The following WDPCP variants were observed in gnomAD, a reference collection of about 807,000 sequenced individuals.
WDPCP encodes the protein WD repeat containing planar cell polarity effector, also known as WD repeat-containing and planar cell polarity effector protein fritz homolog.
WDPCP carries 71 observed loss-of-function variants against 93.1 expected under a neutral mutation model. The ratio of observed to expected loss-of-function variants is 0.76; its 90% CI spans 0.63 to 0.93. WDPCP has a LOEUF of 0.93. WDPCP is among the 40% of genes least tolerant of loss of function. WDPCP has a pLI of 0.00. For synonymous variants in WDPCP, 315 were observed against 315.0 expected (o/e 1.00, Z 0.00); for missense variants, 844 against 887.4 (o/e 0.95, Z 0.62).
At chr2:63,746,636 T>TTATGCAGATGTAGATAGGG (rs1669802085) in intron 2 of WDPCP, among the ~76,000 whole-genome samples, 1 of 152,146 alleles carries the variant, frequency 6.6e-6, no homozygotes. Context: ...AGTGTCTGCC[T>TTATGCAGATGTAGATAGGG]TATGCAGATG....
At chr2:63,305,628 A>C (rs1448818304) in intron 13 of WDPCP, among the ~76,000 whole-genome samples, 2 of 152,222 alleles carry the variant, frequency 1.3e-5, no homozygotes, top group Non-Finnish European at 2.9e-5. Context: ...TGAAAATTCC[A>C]AAAACCAGAA....
At chr2:63,402,290 G>A in intron 10 of WDPCP, among the ~76,000 whole-genome samples, 1 of 152,016 alleles carries the variant, frequency 6.6e-6, no homozygotes, top group East Asian at 1.9e-4. Flanking sequence ...CACAGGGAGG[G>A]GAACAACACA....
intron 2 of WDPCP, among the ~76,000 whole-genome samples, chr2:63,664,607 A>G (rs1219985665): frequency 6.6e-6 from 1 of 152,208 alleles, no homozygotes; most frequent in African/African-American, 2.4e-5. Context: ...TCTATCGTCT[A>G]TTACAGGAGG....
At chr2:63,440,034 G>T in intron 6 of WDPCP, 163 bp from the exon 7 acceptor site, 1 of 606,920 alleles carries the variant, frequency 1.6e-6, no homozygotes, top group Middle Eastern at 4.4e-4. Context: ...TACTGACATT[G>T]TGAGTAAAAA....
chr2:63,645,772 T>C (rs753696981), intron 3 of WDPCP, among the ~76,000 whole-genome samples: 12 of 152,358 alleles, frequency 7.9e-5, no homozygotes, highest in Non-Finnish European at 1.6e-4. Context: ...TTGTCTCTTC[T>C]TACAGTTTTT....
At chr2:63,464,007 AAAAC>A (rs1440467636) in intron 6 of WDPCP, among the ~76,000 whole-genome samples, 1 of 152,296 alleles carries the variant, frequency 6.6e-6, no homozygotes, top group African/African-American at 2.4e-5. Flanking sequence ...TACAAAAGCA[AAAAC>A]AAACAAATGG....
intron 17 of WDPCP, among the ~76,000 whole-genome samples, chr2:63,132,132 G>A (rs1161552641): frequency 3.3e-5 from 5 of 152,058 alleles, no homozygotes; most frequent in Admixed American, 1.3e-4. Context: ...CATCACACCC[G>A]GCCCAGTTGA....
intron 1 of WDPCP, among the ~76,000 whole-genome samples, chr2:63,565,307 A>G (rs924142984): frequency 6.6e-6 from 1 of 152,232 alleles, no homozygotes; most frequent in African/African-American, 2.4e-5. Context: ...GAATACATAG[A>G]CTGAAAATTC....
chr2:63,206,576 C>T (rs1045126867), intron 14 of WDPCP, among the ~76,000 whole-genome samples: 10 of 152,092 alleles, frequency 6.6e-5, no homozygotes, highest in African/African-American at 1.9e-4. Context: ...CATCAGCCTC[C>T]TGAGAAGCTG....
chr2:63,528,308 T>C (rs1467666741), intron 1 of WDPCP, among the ~76,000 whole-genome samples: 1 of 152,224 alleles, frequency 6.6e-6, no homozygotes, highest in African/African-American at 2.4e-5. Context: ...ATGTCCTGAA[T>C]GGTAATGCCT....
chr2:63,484,945 T>C lies in WDPCP; in HGVS notation c.296A>G (p.Lys99Arg), dbSNP rs772670414. 1.2e-6 allele frequency: 2 copies of C among 1,612,618 alleles called. No individual in the cohort carries two copies. Among genetic ancestry groups the C allele is most frequent in the Non-Finnish European group, 8.5e-7 (1 of 1,179,074 alleles). ...CAACTCTTTGAGCGAGTCTCGGAGT[T>C]TTTCTGGGCGTCTGTTTTTGAGCGT... Reference protein sequence around the residue: ...PWTLKNRRPEKLRDSLKELEE... With the variant: ...PWTLKNRRPERLRDSLKELEE... The change falls in exon 5 of 18, where the codon AAA becomes AGA. Residue 99 changes from lysine to arginine, a missense_variant. By Grantham distance (26) the Lys-to-Arg change is conservative. Transcript: ENST00000272321.
At chr2:63,580,813 A>G (rs1708445542) in intron 1 of WDPCP, among the ~76,000 whole-genome samples, 1 of 152,254 alleles carries the variant, frequency 6.6e-6, no homozygotes, top group Non-Finnish European at 1.5e-5. Context: ...TCTTAACTGT[A>G]TAATGGTTAA....
chr2:63,183,009 G>C (rs1674369296), intron 14 of WDPCP, among the ~76,000 whole-genome samples: 1 of 151,654 alleles, frequency 6.6e-6, no homozygotes, highest in South Asian at 2.1e-4. Context: ...ATTTCTGATT[G>C]TTTATTGGAT....
intron 2 of WDPCP, among the ~76,000 whole-genome samples, chr2:63,763,349 C>CA (rs1236381423): frequency 1.3e-4 from 20 of 151,724 alleles, no homozygotes; most frequent in African/African-American, 4.8e-4. Context: ...ACTAAAAATA[C>CA]AAAAAATTAG....
At chr2:63,424,250 T>G (rs1477365640) in intron 9 of WDPCP, among the ~76,000 whole-genome samples, 1 of 50,804 alleles carries the variant, frequency 2.0e-5, no homozygotes, top group Non-Finnish European at 3.8e-5. Flanking sequence ...GCGGTGTGTG[T>G]TGGGGGCGGG....
In WDPCP at chr2:63,154,056, A is replaced by G. The variant is rs185543010; in HGVS notation, c.2079-482T>C. 2.6e-4 allele frequency among the ~76,000 whole-genome samples: 40 copies of G among 151,800 alleles called. 1 individual carries two copies. In the East Asian group the frequency reaches 7.7e-3, roughly 29 times the overall value. On this transcript the variant is annotated intron_variant, in intron 15 of 17. Transcript: ENST00000272321. ...AGTTGTTCTCTGGATATTTAGCTCC[A>G]CTACTTATTATTATGTATCTTTTAA...
chr2:63,709,046 C>T (rs1669218543), intron 2 of WDPCP, among the ~76,000 whole-genome samples: 1 of 134,216 alleles, frequency 7.5e-6, no homozygotes, highest in Non-Finnish European at 1.6e-5. Context: ...CATGGTGAAA[C>T]CCTGTCTCTA....
intron 14 of WDPCP, among the ~76,000 whole-genome samples, chr2:63,216,235 C>T (rs1360214963): frequency 6.6e-6 from 1 of 152,150 alleles, no homozygotes. Flanking sequence ...ATAAATCATG[C>T]TGCTATAAAG....
intron 2 of WDPCP, among the ~76,000 whole-genome samples, chr2:63,719,346 G>C (rs1020076157): frequency 1.3e-5 from 2 of 152,184 alleles, no homozygotes; most frequent in African/African-American, 4.8e-5. Flanking sequence ...AGCGACAGTA[G>C]TGAGAGGTTA....
Sources: allele counts gnomAD v4.1 joint callset (sites outside exome capture counted in the v4.1 genomes callset), GRCh38; gene constraint gnomAD v4.1.1; transcripts MANE v1.5; gene names NCBI Gene and HGNC (gene_info 2026-07-23, HGNC 2026-07-21).